RABGAP1L: variants seen among roughly 807,000 people sequenced by gnomAD.
The protein encoded by RABGAP1L is rab GTPase-activating protein 1-like.
RABGAP1L carries 63 observed loss-of-function variants against 137.7 expected under a neutral mutation model. That is an observed-to-expected ratio of 0.46 (90% confidence interval 0.37 to 0.56). RABGAP1L has a LOEUF of 0.56. Ranked by LOEUF, RABGAP1L falls within the 20% of genes least tolerant of loss-of-function variation. The pLI is 0.00. For synonymous variants in RABGAP1L, 431 were observed against 433.7 expected, an observed-to-expected ratio of 0.99 and a Z score of 0.08; for missense variants, 1,095 against 1,244.0, an observed-to-expected ratio of 0.88 and a Z score of 1.80.
chr1:174,239,561 G>A (rs1428107951), intron 4 of RABGAP1L, among the ~76,000 whole-genome samples: 1 of 151,556 alleles, frequency 6.6e-6, no homozygotes, highest in Non-Finnish European at 1.5e-5. Flanking sequence ...CCTCATACTG[G>A]GCCATTTTTT....
Position 174,656,115 on chromosome 1 carries a change from CA to C in RABGAP1L, c.1824+18628del, listed in dbSNP as rs1216505228. On this transcript the variant is annotated intron_variant, in intron 14 of 25. Coordinates refer to ENST00000681986, the MANE Select transcript of RABGAP1L (RefSeq NM_001366446.1). ...GTGCATACAAACATGTATTTATGCC[CA>C]TTTTTTTTTATTAATACATAATTCA... is the stretch of plus-strand genomic sequence containing the variant. 4.0e-5 allele frequency among the ~76,000 whole-genome samples: 6 copies of C among 150,100 alleles called. No homozygotes were observed. In the South Asian group the frequency reaches 8.7e-4, roughly 22 times the overall value.
intron 13 of RABGAP1L, among the ~76,000 whole-genome samples, chr1:174,546,812 C>T (rs557167425): frequency 1.3e-4 from 19 of 151,862 alleles, no homozygotes; most frequent in East Asian, 5.8e-4. Context: ...AGGCGGATCA[C>T]GAGGTCAGGA....
chr1:174,565,501 T>C (rs1667514593), intron 13 of RABGAP1L, among the ~76,000 whole-genome samples: 1 of 152,182 alleles, frequency 6.6e-6, no homozygotes, highest in African/African-American at 2.4e-5. Context: ...TCTTCATTTA[T>C]GACCCCTGTC....
In RABGAP1L at chr1:174,448,022, T is replaced by C; in HGVS notation, c.1710+53877T>C. 1 of 1,117,380 alleles carries C rather than the reference T, an allele frequency of 8.9e-7. No homozygotes were observed. Among genetic ancestry groups the C allele is most frequent in the Non-Finnish European group, 1.3e-6 (1 of 765,674 alleles). 69.2% of individuals were successfully genotyped at this position (1,117,380 alleles called of 1,614,324 possible). On this transcript the variant is annotated intron_variant, in intron 13 of 25. Transcript: ENST00000681986. This position sits in a 1 kb window ranked among gnomAD's most constrained non-coding sequence, Gnocchi z 4.2. ...TGACACTGTCTACTGAAGCAGGTTC[T>C]GAAACACTCATGTGCGGTGTTTAAC...
chr1:174,318,029 T>C (rs957097381), intron 11 of RABGAP1L, among the ~76,000 whole-genome samples: 3 of 149,084 alleles, frequency 2.0e-5, no homozygotes, highest in Admixed American at 6.7e-5. Context: ...AGGGGTGGTA[T>C]TGGCAGTTCA....
intron 13 of RABGAP1L, among the ~76,000 whole-genome samples, chr1:174,560,988 TTA>T (rs887514110): frequency 4.6e-5 from 7 of 152,204 alleles, no homozygotes; most frequent in Non-Finnish European, 1.0e-4. Flanking sequence ...GTGGAGTTAC[TTA>T]TGTGTGTAAA....
intron 23 of RABGAP1L, among the ~76,000 whole-genome samples, chr1:174,979,513 C>T (rs933317027): frequency 1.3e-5 from 2 of 152,182 alleles, no homozygotes; most frequent in African/African-American, 4.8e-5. Flanking sequence ...TCCAGTAGAT[C>T]ACACTTGGAA....
At chr1:174,679,937 G>A (rs1321027480) in intron 14 of RABGAP1L, among the ~76,000 whole-genome samples, 1 of 151,980 alleles carries the variant, frequency 6.6e-6, no homozygotes, top group Non-Finnish European at 1.5e-5. Context: ...ATTTCAAAGT[G>A]GATTACAGAC....
intron 13 of RABGAP1L, among the ~76,000 whole-genome samples, chr1:174,608,280 T>C (rs1445676241): frequency 6.6e-6 from 1 of 152,158 alleles, no homozygotes; most frequent in African/African-American, 2.4e-5. Context: ...TTTATAATAA[T>C]AATTATTCAA....
At chr1:174,596,480 A>G (rs932320621) in intron 13 of RABGAP1L, among the ~76,000 whole-genome samples, 1 of 152,112 alleles carries the variant, frequency 6.6e-6, no homozygotes, top group Admixed American at 6.5e-5. Context: ...AGCTGTTGCA[A>G]ATTGGATTCT....
intron 9 of RABGAP1L, 99 bp downstream of exon 9, chr1:174,276,034 G>T: frequency 1.3e-6 from 1 of 793,804 alleles, no homozygotes; most frequent in East Asian, 3.0e-5. Flanking sequence ...ACTCAAAGTG[G>T]ACTTATTCTT....
In RABGAP1L at chr1:174,958,190, A is replaced by G. The variant is rs989822476; in HGVS notation, c.2433+641A>G. On this transcript the variant is annotated intron_variant, in intron 20 of 25. Transcript: ENST00000681986. ...ATCACAAAGGTATATTGAGCACAGTAGTGGTGTTTGTTGCAACATTTATTT... is the reference window on the plus strand; with the variant it reads ...ATCACAAAGGTATATTGAGCACAGTGGTGGTGTTTGTTGCAACATTTATTT... The G allele has an allele frequency of 2.9e-6, 4 of 1,383,708 alleles. No homozygotes were observed. In the Admixed American group the frequency reaches 8.8e-5, roughly 30 times the overall value. The allele number at this position is 1,383,708 out of a possible 1,614,324, so 85.7% of individuals were successfully genotyped here.
intron 13 of RABGAP1L, among the ~76,000 whole-genome samples, chr1:174,410,725 A>G (rs573336974): frequency 1.7e-4 from 26 of 151,972 alleles, no homozygotes; most frequent in Non-Finnish European, 3.7e-4. Flanking sequence ...TATTTGGGCC[A>G]TTTTTTGGTT....
intron 19 of RABGAP1L, among the ~76,000 whole-genome samples, chr1:174,918,292 T>G (rs1297190450): frequency 1.3e-5 from 2 of 152,194 alleles, no homozygotes; most frequent in Non-Finnish European, 2.9e-5. Context: ...CTCCTTTGTT[T>G]CTATGATTCT....
At chr1:174,360,443 G>A (rs78797965) in intron 11 of RABGAP1L, among the ~76,000 whole-genome samples, 2,492 of 152,108 alleles carry the variant, frequency 0.016, 49 homozygotes, top group African/African-American at 0.058. Context: ...AAAAAGATCT[G>A]TATAGTCATA....
chr1:174,892,715 A>G (rs1367576315), intron 19 of RABGAP1L: 2 of 472,828 alleles, frequency 4.2e-6, no homozygotes, highest in Non-Finnish European at 8.1e-6. Flanking sequence ...AGGCTACCTC[A>G]TTTCTTTGTT....
intron 19 of RABGAP1L, among the ~76,000 whole-genome samples, chr1:174,951,880 C>A (rs1242983638): frequency 6.6e-6 from 1 of 152,166 alleles, no homozygotes; most frequent in African/African-American, 2.4e-5. Flanking sequence ...TGCCCAGGGT[C>A]TTTTCTCTAC....
intron 13 of RABGAP1L, among the ~76,000 whole-genome samples, chr1:174,627,624 T>A (rs1279878117): frequency 1.3e-5 from 2 of 152,222 alleles, no homozygotes; most frequent in African/African-American, 2.4e-5. Context: ...TATGATTTTA[T>A]CCAGTAGAGA....
At chr1:174,550,997 C>CATATATATATACATATGTATATAT (rs1252681895) in intron 13 of RABGAP1L, among the ~76,000 whole-genome samples, 1 of 92,208 alleles carries the variant, frequency 1.1e-5, no homozygotes, top group African/African-American at 8.1e-5. Context: ...TATATATATA[C>CATATATATATACATATGTATATAT]ACATATATAT....
Sources: allele counts gnomAD v4.1 joint callset (sites outside exome capture counted in the v4.1 genomes callset), GRCh38; gene constraint gnomAD v4.1.1; non-coding constraint Gnocchi (gnomAD v3.1); transcripts MANE v1.5; gene names NCBI Gene and HGNC (gene_info 2026-07-23, HGNC 2026-07-21).